CNTNAP2: variants seen among roughly 807,000 people sequenced by gnomAD.
The protein encoded by CNTNAP2 is contactin-associated protein-like 2.
Under a neutral mutation model 155.2 loss-of-function variants are expected in CNTNAP2, and 98 were observed. The observed-to-expected ratio is 0.63, with a 90% CI of 0.54 to 0.75. The LOEUF (loss-of-function observed/expected upper bound fraction) is 0.75. Among genes scored for constraint, CNTNAP2 ranks in the 30% least tolerant of loss-of-function variants. CNTNAP2 has a pLI of 0.00. For missense variants in CNTNAP2, 1,727 were observed against 1,688.1 expected, an observed-to-expected ratio of 1.02 and a Z score of -0.40; for synonymous variants, 651 against 631.2, an observed-to-expected ratio of 1.03 and a Z score of -0.47.
At chr7:146,292,082 C>T (rs2129086769) in intron 1 of CNTNAP2, among the ~76,000 whole-genome samples, 1 of 152,148 alleles carries the variant, frequency 6.6e-6, no homozygotes, top group South Asian at 2.1e-4. Context: ...GCTGAGTAGA[C>T]ATTTTTCAAA....
intron 17 of CNTNAP2, among the ~76,000 whole-genome samples, chr7:148,168,145 T>A (rs1480751694): frequency 6.6e-6 from 1 of 151,724 alleles, no homozygotes; most frequent in East Asian, 1.9e-4. Context: ...ATTGTGGAAG[T>A]CAGTGTGGCG....
intron 21 of CNTNAP2, among the ~76,000 whole-genome samples, chr7:148,354,485 G>A (rs1056678460): frequency 2.0e-5 from 3 of 152,002 alleles, no homozygotes; most frequent in Admixed American, 2.0e-4. Flanking sequence ...GTGTGACAGC[G>A]GAGACCCACT....
At chr7:147,174,822 G>A (rs1802304086) in intron 8 of CNTNAP2, among the ~76,000 whole-genome samples, 1 of 152,036 alleles carries the variant, frequency 6.6e-6, no homozygotes, top group Admixed American at 6.6e-5. Context: ...CACTATATAT[G>A]CTGTAAACCT....
intron 12 of CNTNAP2, among the ~76,000 whole-genome samples, chr7:147,615,002 C>T (rs1162220025): frequency 6.7e-6 from 1 of 149,976 alleles, no homozygotes; most frequent in East Asian, 2.0e-4. Context: ...ACTGTAGTCT[C>T]AGTAACTTGG....
intron 13 of CNTNAP2, among the ~76,000 whole-genome samples, chr7:147,886,683 A>AAACATATCATG (rs1554445550): frequency 6.6e-6 from 1 of 152,002 alleles, no homozygotes; most frequent in East Asian, 1.9e-4. Context: ...ATGGGACCTG[A>AAACATATCATG]GGCACTACAT....
At chr7:146,480,067 G>T (rs1225956941) in intron 1 of CNTNAP2, among the ~76,000 whole-genome samples, 1 of 152,178 alleles carries the variant, frequency 6.6e-6, no homozygotes, top group Admixed American at 6.5e-5. Context: ...TTACAGGCGT[G>T]AGCCACTGAG....
chr7:146,431,323 A>T (rs1796169880), intron 1 of CNTNAP2, among the ~76,000 whole-genome samples: 1 of 151,996 alleles, frequency 6.6e-6, no homozygotes. Flanking sequence ...TTCAATGTGT[A>T]CAGAGCCCAT....
chr7:148,056,659 C>T (rs575768917), intron 15 of CNTNAP2: 29 of 152,242 alleles, frequency 1.9e-4, no homozygotes, highest in African/African-American at 2.2e-4. Context: ...TGGTCCCTCC[C>T]GCAACATTGA....
chr7:147,976,680 T>C (rs1801431757), intron 14 of CNTNAP2, among the ~76,000 whole-genome samples: 1 of 152,142 alleles, frequency 6.6e-6, no homozygotes, highest in Non-Finnish European at 1.5e-5. Flanking sequence ...TCACTGACAT[T>C]CAAGAAGGTC....
chr7:146,839,935 G>A (rs1176537120), intron 3 of CNTNAP2, 31 bp downstream of exon 3: 1 of 1,609,644 alleles, frequency 6.2e-7, no homozygotes, highest in Non-Finnish European at 8.5e-7. Flanking sequence ...CAAAGACACA[G>A]AATTGGATTG....
intron 1 of CNTNAP2, among the ~76,000 whole-genome samples, chr7:146,442,025 A>G (rs1199056681): frequency 6.6e-6 from 1 of 151,566 alleles, no homozygotes; most frequent in Non-Finnish European, 1.5e-5. Context: ...CTCTTCTGAA[A>G]TTATTTCTTC....
intron 3 of CNTNAP2, among the ~76,000 whole-genome samples, chr7:146,917,352 G>A (rs185306934): frequency 9.9e-5 from 15 of 152,142 alleles, no homozygotes; most frequent in East Asian, 1.9e-4. Context: ...GTTTAAGTCC[G>A]TTGTTTGTTG....
At chr7:146,931,249 G>C (rs1206036691) in intron 3 of CNTNAP2, among the ~76,000 whole-genome samples, 1 of 152,276 alleles carries the variant, frequency 6.6e-6, no homozygotes, top group African/African-American at 2.4e-5. Flanking sequence ...TCAGACCACA[G>C]TGCAATCAAA....
At chr7:148,370,921 G>T (rs551406520) in intron 21 of CNTNAP2, among the ~76,000 whole-genome samples, 1 of 152,248 alleles carries the variant, frequency 6.6e-6, no homozygotes, top group East Asian at 1.9e-4. Context: ...AGCATCCACA[G>T]TTCCTTCCAG....
intron 14 of CNTNAP2, among the ~76,000 whole-genome samples, chr7:147,936,306 T>A (rs1034466187): frequency 2.6e-5 from 4 of 152,054 alleles, no homozygotes; most frequent in East Asian, 1.9e-4. Flanking sequence ...TTTTATTTTT[T>A]TTTTTTTGCA....
At chr7:146,662,706 C>T (rs1329499902) in intron 1 of CNTNAP2, among the ~76,000 whole-genome samples, 4 of 152,062 alleles carry the variant, frequency 2.6e-5, no homozygotes, top group Non-Finnish European at 5.9e-5. Flanking sequence ...ATTTTCTCCT[C>T]CATTTTCTTT....
At chr7:148,004,825 A>G (rs939585025) in intron 15 of CNTNAP2, among the ~76,000 whole-genome samples, 1 of 152,172 alleles carries the variant, frequency 6.6e-6, no homozygotes, top group African/African-American at 2.4e-5. Flanking sequence ...AGACAGGAAG[A>G]AAGGTGGAGT....
chr7:146,966,598 T>C (rs1454408815), intron 3 of CNTNAP2, among the ~76,000 whole-genome samples: 1 of 152,216 alleles, frequency 6.6e-6, no homozygotes, highest in Non-Finnish European at 1.5e-5. Flanking sequence ...CAGCCATTTC[T>C]CCTACAGACA....
chr7:146,216,532 G>A (rs572125886), intron 1 of CNTNAP2, among the ~76,000 whole-genome samples: 164 of 152,142 alleles, frequency 1.1e-3, no homozygotes, highest in African/African-American at 3.7e-3. Context: ...AGCAACTGCC[G>A]ATCAGCAGAA....
Sources: allele counts gnomAD v4.1 joint callset (sites outside exome capture counted in the v4.1 genomes callset), GRCh38; gene constraint gnomAD v4.1.1; transcripts MANE v1.5; gene names NCBI Gene and HGNC (gene_info 2026-07-23, HGNC 2026-07-21).